Variants in FRMD4B observed in about 807,000 individuals in gnomAD.
The protein encoded by FRMD4B is FERM domain containing 4B.
In FRMD4B, 74 loss-of-function variants were observed where a neutral mutation model predicts 141.5. That is an observed-to-expected ratio of 0.52 (90% CI 0.43 to 0.63). FRMD4B has a LOEUF of 0.63. Ranked by LOEUF, FRMD4B falls within the 30% of genes least tolerant of loss-of-function variation. The pLI is 0.00. For missense variants in FRMD4B, 1,366 were observed against 1,253.4 expected, an observed-to-expected ratio of 1.09 and a Z score of -1.36; for synonymous variants, 506 against 467.9, an observed-to-expected ratio of 1.08 and a Z score of -1.05.
chr3:69,382,978 T>C (rs1704152217), intron 1 of FRMD4B, among the ~76,000 whole-genome samples: 1 of 152,176 alleles, frequency 6.6e-6, no homozygotes, highest in Non-Finnish European at 1.5e-5. Context: ...TGTAGGCAAG[T>C]TTGAATTGGG....
intron 1 of FRMD4B, among the ~76,000 whole-genome samples, chr3:69,461,835 T>C (rs900765804): frequency 5.9e-5 from 9 of 152,122 alleles, no homozygotes; most frequent in Non-Finnish European, 1.2e-4. Flanking sequence ...CTGTTGTCTC[T>C]GAGTAATTAA....
intron 1 of FRMD4B, among the ~76,000 whole-genome samples, chr3:69,529,509 C>A (rs1700982738): frequency 1.3e-5 from 2 of 152,114 alleles, no homozygotes; most frequent in African/African-American, 4.8e-5. Context: ...AACTCCCAGG[C>A]CAGAGCTCTT....
At chr3:69,526,243 G>T (rs1424803722) in intron 1 of FRMD4B, among the ~76,000 whole-genome samples, 1 of 152,178 alleles carries the variant, frequency 6.6e-6, no homozygotes, top group African/African-American at 2.4e-5. Context: ...TTCCTCAGAT[G>T]GGAAAATTCA....
intron 18 of FRMD4B, among the ~76,000 whole-genome samples, 165 bp from the exon 19 acceptor site, chr3:69,188,082 T>C (rs1451001904): frequency 6.6e-6 from 1 of 152,212 alleles, no homozygotes; most frequent in Non-Finnish European, 1.5e-5. Flanking sequence ...AGTTAATTTT[T>C]ATATTTTATA....
At chr3:69,318,525 G>A (rs531290988) in intron 1 of FRMD4B, among the ~76,000 whole-genome samples, 118 of 152,208 alleles carry the variant, frequency 7.8e-4, no homozygotes, top group Non-Finnish European at 1.5e-3. Flanking sequence ...GGCTGGAGAG[G>A]GTAGCACAGA....
At chr3:69,540,613 TAAAAAAAAAAA>T (rs1157655761) in intron 1 of FRMD4B, among the ~76,000 whole-genome samples, 5 of 14,008 alleles carry the variant, frequency 3.6e-4, no homozygotes, top group Non-Finnish European at 5.3e-4. Context: ...ACTCTGTCTC[TAAAAAAAAAAA>T]AAAAAAAAAA....
At chr3:69,247,224 G>T (rs909949716) in intron 7 of FRMD4B, among the ~76,000 whole-genome samples, 3 of 152,134 alleles carry the variant, frequency 2.0e-5, no homozygotes, top group Admixed American at 6.6e-5. Flanking sequence ...TTATGGGAAA[G>T]GTACCATTTT....
In FRMD4B at chr3:69,172,939, C is replaced by A. The variant is rs572748712; in HGVS notation, c.2985-958G>T. Among the ~76,000 whole-genome samples, 259 of 151,950 alleles carry A rather than the reference C, an allele frequency of 1.7e-3. 2 individuals carry two copies. Among genetic ancestry groups the A allele is most frequent in the African/African-American group, 6.0e-3 (247 of 41,428 alleles). ...AAAGGTTTTTAGTGTTTTCATGTAA[C>A]ATAAAAAACAAAGCCAGATTTCATA... On this transcript the variant is annotated intron_variant, in intron 22 of 22. Coordinates refer to ENST00000398540, the MANE Select transcript of FRMD4B (RefSeq NM_015123.3).
In FRMD4B at chr3:69,536,361, G is replaced by A. The variant is rs1701084893; in HGVS notation, c.-129+5845C>T. ...TGGCCCCCCTTGCTTCGGAGTTGAG[G>A]GGCCTGGCGAGGAGGCTGCGGCACA... On this transcript the variant is annotated intron_variant, in intron 1 of 5. Transcript: ENST00000459638. 1.3e-5 allele frequency: 9 copies of A among 686,548 alleles called. No individual in the cohort carries two copies. The Middle Eastern group carries it at 7.5e-4, about 57-fold the overall frequency. The allele number at this position is 686,548 out of a possible 1,614,324, so 42.5% of individuals were successfully genotyped here. A position where few individuals can be genotyped will look rare whatever the true frequency, so the allele number is the denominator to read the frequency against.
At chr3:69,416,118 T>G (rs987581429) in intron 2 of FRMD4B, among the ~76,000 whole-genome samples, 2 of 152,232 alleles carry the variant, frequency 1.3e-5, no homozygotes, top group African/African-American at 4.8e-5. Context: ...GGGCCTGCCC[T>G]TAATAACAGG....
At chr3:69,419,285 C>G (rs560486934) in intron 2 of FRMD4B, among the ~76,000 whole-genome samples, 5 of 152,198 alleles carry the variant, frequency 3.3e-5, no homozygotes, top group Non-Finnish European at 7.4e-5. Flanking sequence ...GCTCACATAC[C>G]TGATCAGCCC....
intron 5 of FRMD4B, among the ~76,000 whole-genome samples, chr3:69,283,791 G>A (rs1202273469): frequency 6.6e-6 from 1 of 152,110 alleles, no homozygotes; most frequent in African/African-American, 2.4e-5. Context: ...TCAACCCTTA[G>A]AGTTCTTAGG....
At chr3:69,247,674 A>T (rs2093434010) in intron 7 of FRMD4B, among the ~76,000 whole-genome samples, 4 of 152,006 alleles carry the variant, frequency 2.6e-5, no homozygotes, top group Admixed American at 1.3e-4. Context: ...TTTGAGACGG[A>T]GTCTCGCTCT....
intron 1 of FRMD4B, among the ~76,000 whole-genome samples, chr3:69,509,545 G>C (rs979850043): frequency 1.3e-5 from 2 of 152,132 alleles, no homozygotes; most frequent in Non-Finnish European, 1.5e-5. Context: ...AGAAGCATTT[G>C]ATGAAAGAGT....
intron 7 of FRMD4B, among the ~76,000 whole-genome samples, chr3:69,234,836 T>C (rs940076894): frequency 6.6e-6 from 1 of 152,064 alleles, no homozygotes; most frequent in Non-Finnish European, 1.5e-5. Context: ...ACCACTGCAA[T>C]AGGATAAACA....
chr3:69,170,233 C>A lies in FRMD4B; in HGVS notation c.*1628G>T, dbSNP rs1210470248. ...AGCACTGCGACCTGCTTCACATGAA[C>A]CCCTGACATAAATGGAAGAAAACGT... On this transcript the variant is annotated 3_prime_UTR_variant, in exon 23 of 23. Coordinates refer to ENST00000398540, the MANE Select transcript of FRMD4B (RefSeq NM_015123.3). The A allele has an allele frequency of 6.6e-6, 1 of 152,134 alleles. No homozygotes were observed. Among genetic ancestry groups the A allele is most frequent in the Non-Finnish European group, 1.5e-5 (1 of 68,028 alleles). The allele number at this position is 152,134 out of a possible 1,614,324, so 9.4% of individuals were successfully genotyped here. A position where few individuals can be genotyped will look rare whatever the true frequency, so the allele number is the denominator to read the frequency against.
intron 5 of FRMD4B, among the ~76,000 whole-genome samples, chr3:69,262,884 A>C (rs893780107): frequency 6.6e-6 from 1 of 152,248 alleles, no homozygotes. Context: ...GAGTAAAAAC[A>C]GCCAGACAAT....
intron 5 of FRMD4B, among the ~76,000 whole-genome samples, chr3:69,277,870 T>G (rs1447339604): frequency 7.7e-6 from 1 of 130,672 alleles, no homozygotes; most frequent in African/African-American, 2.8e-5. Context: ...TTTTTTTTTT[T>G]CTTGAGACAG....
chr3:69,183,397 T>C (rs1296781160), intron 19 of FRMD4B, among the ~76,000 whole-genome samples: 2 of 151,916 alleles, frequency 1.3e-5, no homozygotes, highest in Non-Finnish European at 2.9e-5. Context: ...TGTTGTTTGC[T>C]GGTCCCTGGA....
Sources: gnomAD v4.1 joint callset for allele counts (sites outside exome capture counted in the v4.1 genomes callset) on GRCh38, gnomAD v4.1.1 for gene constraint, MANE v1.5 for transcripts, NCBI Gene and HGNC (gene_info 2026-07-23, HGNC 2026-07-21) for gene names.